The following TPH2 variants were observed in gnomAD, a reference collection of about 807,000 sequenced individuals.
TPH2 encodes the protein tryptophan hydroxylase 2.
Under a neutral mutation model 59.1 loss-of-function variants are expected in TPH2, and 27 were observed. The ratio of observed to expected loss-of-function variants is 0.46; its 90% CI spans 0.34 to 0.63. The LOEUF is 0.63. Among genes scored for constraint, TPH2 ranks in the 30% least tolerant of loss-of-function variants. TPH2 has a pLI of 0.01. For synonymous variants in TPH2, 220 were observed against 210.5 expected, an observed-to-expected ratio of 1.05 and a Z score of -0.39; for missense variants, 523 against 588.3, an observed-to-expected ratio of 0.89 and a Z score of 1.15.
chr12:71,986,480 A>G (rs933707764), intron 7 of TPH2, among the ~76,000 whole-genome samples: 1 of 152,210 alleles, frequency 6.6e-6, no homozygotes, highest in Non-Finnish European at 1.5e-5. Flanking sequence ...AACAATATAC[A>G]TTCCATTTTT....
chr12:71,944,318 A>G lies in TPH2; in HGVS notation c.280A>G (p.Ile94Val), dbSNP rs773675872. The stretch of plus-strand genomic sequence containing the variant: ...GGAAAAACGTGTCAACATGGTTCAT[A>G]TTGAATCCAGGAAATCTCGGCGAAG... ...FQEKRVNMVHIESRKSRRRSS... is the reference protein window; with the variant it reads ...FQEKRVNMVHVESRKSRRRSS... Residue 94 changes from isoleucine (I) to valine (V), a missense_variant, in exon 3 of 11, where the codon ATT becomes GTT. Coordinates refer to ENST00000333850, the MANE Select transcript of TPH2 (RefSeq NM_173353.4). 1.2e-6 allele frequency: 2 copies of G among 1,613,828 alleles called. No homozygotes were observed. The highest frequency in any genetic ancestry group is 1.1e-5 in the South Asian group (1 of 91,080).
At chr12:71,988,930 T>C (rs1447579328) in intron 7 of TPH2, among the ~76,000 whole-genome samples, 2 of 152,128 alleles carry the variant, frequency 1.3e-5, no homozygotes, top group African/African-American at 4.8e-5. Flanking sequence ...TAGCACCTGG[T>C]ACAAATAGGC....
intron 5 of TPH2, among the ~76,000 whole-genome samples, chr12:71,956,803 T>C (rs1871520879): frequency 6.6e-6 from 1 of 151,762 alleles, no homozygotes; most frequent in South Asian, 2.1e-4. Context: ...AGAGATGGGG[T>C]TTCCCCGTGT....
intron 5 of TPH2, chr12:71,961,930 CTAA>C (rs1369308621): frequency 9.4e-7 from 1 of 1,061,698 alleles, no homozygotes; most frequent in Non-Finnish European, 1.1e-6. Context: ...ACAAAACAAA[CTAA>C]TGTTTTTGTT....
intron 9 of TPH2, among the ~76,000 whole-genome samples, chr12:72,029,768 C>T (rs1873671382): frequency 6.6e-6 from 1 of 152,136 alleles, no homozygotes. Flanking sequence ...GAAAGCAAAT[C>T]ACATGCAGGG....
intron 8 of TPH2, among the ~76,000 whole-genome samples, chr12:71,996,165 C>T (rs7967568): frequency 0.52 from 79,304 of 152,094 alleles, 21,221 homozygotes; most frequent in Middle Eastern, 0.59. Flanking sequence ...ATGGCTCACT[C>T]ATGTGGCTAT....
At chr12:71,959,944 G>T (rs781491039) in intron 5 of TPH2, among the ~76,000 whole-genome samples, 2 of 152,088 alleles carry the variant, frequency 1.3e-5, no homozygotes, top group South Asian at 2.1e-4. Flanking sequence ...TTGAGAAGAG[G>T]CACCTTAGAA....
chr12:71,983,505 A>G (rs986326023), intron 7 of TPH2, among the ~76,000 whole-genome samples: 7 of 152,172 alleles, frequency 4.6e-5, no homozygotes, highest in African/African-American at 1.7e-4. Flanking sequence ...GTCGCCTGGC[A>G]TGTGTACAGT....
At chr12:72,014,259 C>T (rs1046656162) in intron 8 of TPH2, among the ~76,000 whole-genome samples, 17 of 152,118 alleles carry the variant, frequency 1.1e-4, no homozygotes, top group Non-Finnish European at 2.5e-4. Flanking sequence ...TCTTCCATCT[C>T]GAAGTTTCTA....
intron 8 of TPH2, among the ~76,000 whole-genome samples, chr12:72,022,108 T>A (rs1873435043): frequency 6.6e-6 from 1 of 152,192 alleles, no homozygotes; most frequent in Admixed American, 6.5e-5. Flanking sequence ...TTTCTACATC[T>A]GTGTTTTTTG....
At chr12:71,996,396 A>G (rs1872695881) in intron 8 of TPH2, among the ~76,000 whole-genome samples, 1 of 152,272 alleles carries the variant, frequency 6.6e-6, no homozygotes, top group Non-Finnish European at 1.5e-5. Flanking sequence ...AGTTTTCACC[A>G]TTTAGAAAAA....
At chr12:71,998,162 G>A (rs188007913) in intron 8 of TPH2, among the ~76,000 whole-genome samples, 1 of 152,242 alleles carries the variant, frequency 6.6e-6, no homozygotes, top group Admixed American at 6.5e-5. Flanking sequence ...CCTCACCATG[G>A]TTTTGACTGA....
intron 7 of TPH2, among the ~76,000 whole-genome samples, chr12:71,994,229 A>G (rs942139107): frequency 8.5e-5 from 13 of 152,248 alleles, no homozygotes; most frequent in African/African-American, 3.1e-4. Flanking sequence ...TTATTAAAAC[A>G]TGGTATATCA....
intron 8 of TPH2, among the ~76,000 whole-genome samples, chr12:72,012,796 TTTC>T (rs1566162785): frequency 6.6e-6 from 1 of 152,194 alleles, no homozygotes; most frequent in Non-Finnish European, 1.5e-5. Flanking sequence ...ATATTTCTTT[TTTC>T]TTCTTTTTTT....
chr12:71,970,283 A>G (rs529059406), intron 5 of TPH2, among the ~76,000 whole-genome samples: 1 of 152,296 alleles, frequency 6.6e-6, no homozygotes, highest in East Asian at 1.9e-4. Context: ...GAGCAGGACA[A>G]GTTATCCAGG....
At chr12:72,031,160 G>T (rs1873711182) in intron 9 of TPH2, 98 bp from the exon 10 acceptor site, 1 of 1,483,062 alleles carries the variant, frequency 6.7e-7, no homozygotes, top group African/African-American at 1.4e-5. Context: ...CAGCTCTGTA[G>T]GATTACCGAG....
rs923861572 is a variant in TPH2 at position 71,979,219 on chromosome 12, C to T, written c.941+132C>T. 21 of 1,352,274 alleles carry T rather than the reference C, an allele frequency of 1.6e-5. No individual in the cohort carries two copies. In the African/African-American group the frequency reaches 3.0e-4, roughly 19 times the overall value. 83.8% of individuals were successfully genotyped at this position (1,352,274 alleles called of 1,614,324 possible). On this transcript the variant is annotated intron_variant, in intron 7 of 10. Transcript: ENST00000333850. The stretch of plus-strand genomic sequence containing the variant: ...AGCTAGTGAGAGTCACATCACTCAC[C>T]TAAAGAGAAAAGGGCTCACTGAAGG...
intron 6 of TPH2, among the ~76,000 whole-genome samples, chr12:71,977,660 C>A (rs1304159647): frequency 6.6e-6 from 1 of 152,062 alleles, no homozygotes; most frequent in Non-Finnish European, 1.5e-5. Context: ...AACATTATGA[C>A]AATACAATGT....
chr12:71,956,601 C>T (rs748254203), intron 5 of TPH2, among the ~76,000 whole-genome samples: 11 of 149,246 alleles, frequency 7.4e-5, no homozygotes, highest in Non-Finnish European at 1.5e-4. Context: ...CCCTCCTTCC[C>T]TCTTTCTCTC....
Sources: gnomAD v4.1 joint callset for allele counts (sites outside exome capture counted in the v4.1 genomes callset) on GRCh38, gnomAD v4.1.1 for gene constraint, MANE v1.5 for transcripts, NCBI Gene and HGNC (gene_info 2026-07-23, HGNC 2026-07-21) for gene names.